Variants in FBXL13 observed in about 807,000 individuals in gnomAD.
FBXL13 encodes F-box and leucine rich repeat protein 13, also known as F-box and leucine-rich repeat protein 13.
FBXL13 carries 67 observed loss-of-function variants against 83.6 expected under a neutral mutation model. The observed-to-expected ratio is 0.80, with a 90% CI of 0.66 to 0.98. The LOEUF (loss-of-function observed/expected upper bound fraction) is 0.98. FBXL13 is among the 50% of genes least tolerant of loss of function. FBXL13 has a pLI of 0.00. For missense variants in FBXL13, 822 were observed against 866.5 expected, an observed-to-expected ratio of 0.95 and a Z score of 0.64; for synonymous variants, 272 against 299.5, an observed-to-expected ratio of 0.91 and a Z score of 0.95.
At chr7:103,023,589 A>T (rs1793478779) in intron 6 of FBXL13, among the ~76,000 whole-genome samples, 1 of 152,220 alleles carries the variant, frequency 6.6e-6, no homozygotes, top group Non-Finnish European at 1.5e-5. Flanking sequence ...CATAAAACAG[A>T]ATTGCCATTC....
chr7:102,899,229 A>G (rs1812666605), intron 11 of FBXL13, among the ~76,000 whole-genome samples: 1 of 152,214 alleles, frequency 6.6e-6, no homozygotes, highest in Non-Finnish European at 1.5e-5. Flanking sequence ...TATTCTTTTA[A>G]ACCCCAAATG....
In FBXL13 at chr7:103,034,576, C is replaced by T. The variant is rs573779622; in HGVS notation, c.1-5158G>A. On this transcript the variant is annotated intron_variant, in intron 2 of 19. Transcript: ENST00000313221. Reference sequence around the variant, plus strand: ...AGTGGGCAGCCCCAGTTCCCACCCACGCCTTTCCCTCCACACCTCCTCGCA... The same window carrying T: ...AGTGGGCAGCCCCAGTTCCCACCCATGCCTTTCCCTCCACACCTCCTCGCA... 1.0e-3 allele frequency among the ~76,000 whole-genome samples: 154 copies of T among 152,352 alleles called. 2 individuals carry two copies. Among genetic ancestry groups the T allele is most frequent in the African/African-American group, 3.1e-3 (131 of 41,592 alleles).
At chr7:102,914,546 A>G (rs544558948) in intron 10 of FBXL13, among the ~76,000 whole-genome samples, 7 of 152,396 alleles carry the variant, frequency 4.6e-5, no homozygotes, top group African/African-American at 1.7e-4. Context: ...ACAGGTGAAT[A>G]AAGTTTACCT....
At chr7:102,883,547 C>T (rs1810394025) in intron 13 of FBXL13, 21 bp downstream of exon 14, 2 of 1,587,952 alleles carry the variant, frequency 1.3e-6, no homozygotes, top group Non-Finnish European at 8.6e-7. Context: ...AATGCTGAAC[C>T]ACATTTTTAA....
intron 8 of FBXL13, among the ~76,000 whole-genome samples, chr7:102,957,869 T>C (rs1029323164): frequency 6.6e-6 from 1 of 152,092 alleles, no homozygotes; most frequent in East Asian, 1.9e-4. Context: ...TGGCAGTCAT[T>C]AAAATGTCAG....
At chr7:103,012,865 C>G (rs1365540635) in intron 6 of FBXL13, among the ~76,000 whole-genome samples, 2 of 152,100 alleles carry the variant, frequency 1.3e-5, no homozygotes, top group Non-Finnish European at 2.9e-5. Flanking sequence ...GAGTGGAAAG[C>G]AAAACCCAAT....
intron 16 of FBXL13, among the ~76,000 whole-genome samples, chr7:102,872,735 T>C (rs140825150): frequency 7.5e-4 from 115 of 152,344 alleles, no homozygotes; most frequent in African/African-American, 2.6e-3. Flanking sequence ...TAATAGCCCA[T>C]TTAAGTGAAC....
intron 8 of FBXL13, among the ~76,000 whole-genome samples, chr7:102,943,697 A>G (rs1821911793): frequency 1.3e-5 from 2 of 152,192 alleles, no homozygotes; most frequent in African/African-American, 4.8e-5. Flanking sequence ...GATACCACCC[A>G]TTACATATAC....
intron 8 of FBXL13, chr7:102,933,341 G>T (rs1217568680): frequency 6.6e-6 from 1 of 152,120 alleles, no homozygotes; most frequent in East Asian, 1.9e-4. Flanking sequence ...GCATCTCAAG[G>T]CTGTGTTCTT....
At chr7:102,944,651 C>T in intron 8 of FBXL13, 4 of 1,487,246 alleles carry the variant, frequency 2.7e-6, no homozygotes, top group Non-Finnish European at 3.6e-6. Flanking sequence ...ATTTTCTATA[C>T]TGGTGTTAGA....
intron 6 of FBXL13, chr7:102,973,235 A>T: frequency 3.7e-6 from 1 of 272,118 alleles, no homozygotes; most frequent in South Asian, 4.5e-5. Context: ...AACGCCCGAA[A>T]GCTTGAAGGA....
At chr7:102,988,043 T>C (rs1284855074) in intron 6 of FBXL13, 1 of 152,108 alleles carries the variant, frequency 6.6e-6, no homozygotes, top group East Asian at 1.9e-4. Flanking sequence ...GGAGTGAAGA[T>C]GGAATGAGAA....
exon 1 of FBXL13, chr7:103,074,504 T>A: frequency 8.5e-7 from 1 of 1,173,268 alleles, no homozygotes; most frequent in Non-Finnish European, 1.1e-6. Context: ...CTGTTTTCTC[T>A]CTAATCAGCG....
chr7:102,854,132 C>G (rs563359603), intron 17 of FBXL13, among the ~76,000 whole-genome samples: 1 of 151,890 alleles, frequency 6.6e-6, no homozygotes, highest in East Asian at 1.9e-4. Flanking sequence ...AAATGTCCAA[C>G]AATGATAGAC....
intron 6 of FBXL13, among the ~76,000 whole-genome samples, chr7:103,002,516 A>G (rs550095077): frequency 2.0e-5 from 3 of 152,320 alleles, no homozygotes; most frequent in African/African-American, 7.2e-5. Context: ...TATACCTTCA[A>G]CTGTTTTCTT....
At chr7:103,041,130 A>G (rs933630525) in intron 2 of FBXL13, among the ~76,000 whole-genome samples, 4 of 152,186 alleles carry the variant, frequency 2.6e-5, no homozygotes, top group Admixed American at 2.6e-4. Flanking sequence ...ACAATAAAAA[A>G]TGATAAAGGG....
intron 6 of FBXL13, among the ~76,000 whole-genome samples, chr7:102,974,676 C>T (rs2046374781): frequency 6.6e-6 from 1 of 152,124 alleles, no homozygotes; most frequent in Non-Finnish European, 1.5e-5. Context: ...ATTCTCGCCA[C>T]CCAGATCACC....
At chr7:102,961,350 G>A (rs1387306368) in intron 8 of FBXL13, among the ~76,000 whole-genome samples, 6 of 149,470 alleles carry the variant, frequency 4.0e-5, no homozygotes, top group African/African-American at 1.2e-4. Flanking sequence ...ACAAACAAAT[G>A]GAAGAACATT....
intron 2 of FBXL13, among the ~76,000 whole-genome samples, chr7:103,032,788 G>T (rs1794639979): frequency 6.6e-6 from 1 of 152,184 alleles, no homozygotes; most frequent in Non-Finnish European, 1.5e-5. Context: ...CCAAAACGTT[G>T]GATGGCTGAG....
Sources: allele counts gnomAD v4.1 joint callset (sites outside exome capture counted in the v4.1 genomes callset), GRCh38; gene constraint gnomAD v4.1.1; transcripts MANE v1.5; gene names NCBI Gene and HGNC (gene_info 2026-07-23, HGNC 2026-07-21).